LRRC4C: variants seen among roughly 807,000 people sequenced by gnomAD.
The protein encoded by LRRC4C is leucine-rich repeat-containing protein 4C.
In LRRC4C, 5 loss-of-function variants were observed where a neutral mutation model predicts 33.6. The ratio of observed to expected loss-of-function variants is 0.15; its 90% CI spans 0.08 to 0.31. LRRC4C has a LOEUF of 0.31. Ranked by LOEUF, LRRC4C falls within the 10% of genes least tolerant of loss-of-function variation. LRRC4C has a pLI of 1.00. For synonymous variants in LRRC4C, 329 were observed against 302.0 expected (o/e 1.09, Z -0.93); for missense variants, 560 against 796.7 (o/e 0.70, Z 3.58).
Position 40,625,101 on chromosome 11 carries a change from A to C in LRRC4C, c.-270+23041T>G, listed in dbSNP as rs569999804. Among the ~76,000 whole-genome samples, 9 of 152,284 alleles carry C rather than the reference A, an allele frequency of 5.9e-5. 1 individual carries two copies. The East Asian group carries it at 1.7e-3, about 29-fold the overall frequency. On this transcript the variant is annotated intron_variant, in intron 3 of 6. Coordinates refer to ENST00000528697, the MANE Select transcript of LRRC4C (RefSeq NM_001258419.2). ...GCCTTCTTCTGCAGATATGACAAAG[A>C]AACATTTTAAGTAGGGTACTCAGGG...
intron 2 of LRRC4C, among the ~76,000 whole-genome samples, chr11:40,649,669 AT>A (rs1192966406): frequency 2.0e-5 from 3 of 152,248 alleles, no homozygotes; most frequent in Non-Finnish European, 2.9e-5. Context: ...GGCATAAAAA[AT>A]TATAAAAGTA....
intron 5 of LRRC4C, among the ~76,000 whole-genome samples, chr11:40,213,273 C>T (rs999435110): frequency 6.6e-6 from 1 of 152,062 alleles, no homozygotes; most frequent in Non-Finnish European, 1.5e-5. Flanking sequence ...TTCTCTCTTA[C>T]TTGGATTTTG....
chr11:41,456,769 T>C (rs1956183125), intron 1 of LRRC4C, among the ~76,000 whole-genome samples: 1 of 152,132 alleles, frequency 6.6e-6, no homozygotes, highest in South Asian at 2.1e-4. Flanking sequence ...AAACAAACCC[T>C]GGTAAACGTC....
intron 1 of LRRC4C, among the ~76,000 whole-genome samples, chr11:41,403,163 T>A (rs188500536): frequency 6.6e-6 from 1 of 152,188 alleles, no homozygotes; most frequent in East Asian, 1.9e-4. Context: ...CAAAGGTGTG[T>A]TCTATGTAAA....
chr11:41,207,997 A>T (rs1019651785), intron 1 of LRRC4C, among the ~76,000 whole-genome samples: 20 of 152,188 alleles, frequency 1.3e-4, no homozygotes, highest in African/African-American at 4.8e-4. Flanking sequence ...AGAAATATGT[A>T]CATTAAGGTG....
At chr11:40,770,344 T>TA (rs1384564089) in intron 2 of LRRC4C, among the ~76,000 whole-genome samples, 1 of 152,130 alleles carries the variant, frequency 6.6e-6, no homozygotes, top group Middle Eastern at 3.2e-3. Flanking sequence ...CTCACTATTG[T>TA]AATAACAGCA....
intron 5 of LRRC4C, among the ~76,000 whole-genome samples, chr11:40,188,330 C>T (rs1467022485): frequency 6.6e-6 from 1 of 152,080 alleles, no homozygotes; most frequent in Admixed American, 6.6e-5. Context: ...AGTGAATTTC[C>T]TTAAACATAT....
At chr11:40,958,662 T>C (rs1226661538) in intron 1 of LRRC4C, among the ~76,000 whole-genome samples, 1 of 151,898 alleles carries the variant, frequency 6.6e-6, no homozygotes, top group East Asian at 1.9e-4. Context: ...AGAATGTGTG[T>C]GTGACATCAG....
At chr11:41,102,644 G>A (rs1941258899) in intron 1 of LRRC4C, among the ~76,000 whole-genome samples, 1 of 151,942 alleles carries the variant, frequency 6.6e-6, no homozygotes, top group African/African-American at 2.4e-5. Flanking sequence ...TCTGAAATAA[G>A]CTACTATATT....
chr11:40,468,280 A>C (rs539448961), intron 3 of LRRC4C, among the ~76,000 whole-genome samples: 1 of 152,300 alleles, frequency 6.6e-6, no homozygotes, highest in Non-Finnish European at 1.5e-5. Flanking sequence ...AATTTTCAAG[A>C]CAGTTCAACA....
At chr11:40,210,306 A>C (rs1257243503) in intron 5 of LRRC4C, among the ~76,000 whole-genome samples, 1 of 152,118 alleles carries the variant, frequency 6.6e-6, no homozygotes, top group East Asian at 1.9e-4. Context: ...ATGCAATATA[A>C]AGTTTAGAGC....
At chr11:40,579,049 A>G (rs919689312) in intron 3 of LRRC4C, among the ~76,000 whole-genome samples, 2 of 152,196 alleles carry the variant, frequency 1.3e-5, no homozygotes, top group African/African-American at 2.4e-5. Flanking sequence ...AGAAAGTACA[A>G]TAAGTCGGCC....
At chr11:41,030,817 T>C (rs996061198) in intron 1 of LRRC4C, among the ~76,000 whole-genome samples, 4 of 151,640 alleles carry the variant, frequency 2.6e-5, no homozygotes, top group African/African-American at 7.3e-5. Context: ...TACACACACA[T>C]ATATATATAC....
intron 3 of LRRC4C, among the ~76,000 whole-genome samples, chr11:40,530,724 G>T (rs972997034): frequency 2.0e-5 from 3 of 152,090 alleles, no homozygotes; most frequent in Non-Finnish European, 4.4e-5. Context: ...ATGAGATAAG[G>T]CCCCGTCACA....
At chr11:40,609,694 T>A (rs1302114942) in intron 3 of LRRC4C, among the ~76,000 whole-genome samples, 3 of 151,574 alleles carry the variant, frequency 2.0e-5, no homozygotes, top group Admixed American at 2.0e-4. Context: ...GTAAATAAAA[T>A]CAGAAAATAA....
At chr11:40,195,602 G>GA (rs929470548) in intron 5 of LRRC4C, among the ~76,000 whole-genome samples, 44 of 151,312 alleles carry the variant, frequency 2.9e-4, no homozygotes, top group South Asian at 1.2e-3. Context: ...TCTTGGAAAT[G>GA]AAAAAAAATC....
intron 3 of LRRC4C, among the ~76,000 whole-genome samples, chr11:40,528,424 T>C (rs1303325762): frequency 6.6e-6 from 1 of 151,176 alleles, no homozygotes; most frequent in Non-Finnish European, 1.5e-5. Flanking sequence ...ATTAGCAAAA[T>C]GAAAGTAAAA....
chr11:40,213,649 A>G (rs1485958168), intron 5 of LRRC4C, among the ~76,000 whole-genome samples: 2 of 152,166 alleles, frequency 1.3e-5, no homozygotes, highest in African/African-American at 4.8e-5. Flanking sequence ...TATGTAGTAG[A>G]TATAGATATA....
chr11:41,143,239 A>T (rs2135921935), intron 1 of LRRC4C, among the ~76,000 whole-genome samples: 1 of 152,280 alleles, frequency 6.6e-6, no homozygotes, highest in African/African-American at 2.4e-5. Flanking sequence ...TCAAAAAAAA[A>T]AAATGAATGC....
Sources: gnomAD v4.1 joint callset for allele counts (sites outside exome capture counted in the v4.1 genomes callset) on GRCh38, gnomAD v4.1.1 for gene constraint, MANE v1.5 for transcripts, NCBI Gene and HGNC (gene_info 2026-07-23, HGNC 2026-07-21) for gene names.